Variants in STARD7 observed in about 807,000 individuals in gnomAD.
STARD7 encodes the protein stAR-related lipid transfer protein 7, mitochondrial.
STARD7 carries 30 observed loss-of-function variants against 45.3 expected under a neutral mutation model. The ratio of observed to expected loss-of-function variants is 0.66; its 90% CI spans 0.50 to 0.90. STARD7 has a LOEUF of 0.90. STARD7 is among the 40% of genes least tolerant of loss of function. STARD7 has a pLI of 0.00. For synonymous variants in STARD7, 199 were observed against 183.0 expected, an observed-to-expected ratio of 1.09 and a Z score of -0.70; for missense variants, 495 against 491.3, an observed-to-expected ratio of 1.01 and a Z score of -0.07.
chr2:96,197,248 T>TA (rs1325358410), intron 1 of STARD7, among the ~76,000 whole-genome samples: 3 of 149,006 alleles, frequency 2.0e-5, no homozygotes, highest in African/African-American at 7.4e-5. Flanking sequence ...CTACTAAAAA[T>TA]ACAAAAATTA....
chr2:96,206,999 T>A (rs1683402675), intron 1 of STARD7, among the ~76,000 whole-genome samples: 1 of 152,202 alleles, frequency 6.6e-6, no homozygotes, highest in African/African-American at 2.4e-5. Context: ...CCTATCACGC[T>A]TTGATAGCTT....
At chr2:96,188,946 G>A (rs923483658) in intron 6 of STARD7, among the ~76,000 whole-genome samples, 15 of 151,498 alleles carry the variant, frequency 9.9e-5, no homozygotes, top group Non-Finnish European at 1.8e-4. Flanking sequence ...AACACTTTGG[G>A]TGTTTTTTTT....
At chr2:96,198,045 G>A (rs1304644669) in intron 1 of STARD7, among the ~76,000 whole-genome samples, 5 of 151,868 alleles carry the variant, frequency 3.3e-5, no homozygotes, top group East Asian at 1.9e-4. Flanking sequence ...ACTGCTGGCC[G>A]GACGTAGTGA....
At position 96,185,954 on chromosome 2, in the gene STARD7, T is replaced by C. The variant is rs538151151; in HGVS notation, c.*776A>G. ...TTAGTCTCCCAGTGTTCTTGGTAAA[T>C]GGGGAAGGTTAGGAAGGAGGCAATG... On this transcript the variant is annotated 3_prime_UTR_variant, in exon 8 of 8. Transcript: ENST00000337288. 1 of 152,170 alleles carries C rather than the reference T, an allele frequency of 6.6e-6. No individual in the cohort carries two copies. The highest frequency in any genetic ancestry group is 2.1e-4 in the South Asian group (1 of 4,826). 9.4% of individuals were successfully genotyped at this position (152,170 alleles called of 1,614,324 possible).
chr2:96,198,838 A>G (rs765420097), intron 1 of STARD7, among the ~76,000 whole-genome samples: 3 of 152,116 alleles, frequency 2.0e-5, no homozygotes, highest in Non-Finnish European at 4.4e-5. Context: ...TCTTTACCCC[A>G]TTTCAAGTTA....
rs1683070213 is a variant in STARD7 at position 96,188,311 on chromosome 2, T to C, written c.844-1010A>G. On this transcript the variant is annotated intron_variant, in intron 6 of 7. Transcript: ENST00000337288. ...TTTTTTTGAGACAGAGTTTCGTTCTTGTTGCCCAGGATGGAGGGCAATGGC... is the reference window on the plus strand; with the variant it reads ...TTTTTTTGAGACAGAGTTTCGTTCTCGTTGCCCAGGATGGAGGGCAATGGC... Among the ~76,000 whole-genome samples the C allele has an allele frequency of 1.4e-5, 2 of 147,274 alleles. 1 individual carries two copies. The highest frequency in any genetic ancestry group is 4.5e-4 in the South Asian group (2 of 4,476).
At position 96,208,245 on chromosome 2, in the gene STARD7, G is replaced by T; in HGVS notation, c.190C>A (p.Arg64=). Residue 64 remains arginine (R), a synonymous_variant, in exon 1 of 8, where the codon CGG becomes AGG. Transcript: ENST00000337288. ...GCATGGCCAGGACGGCCGTGCAGCC[G>T]GCGCCAGAGGCGGCCGAGGAGAACG... ...RRVLLGRLWR[R]LHGRPGHASA... 1 of 1,612,158 alleles carries T rather than the reference G, an allele frequency of 6.2e-7. No individual in the cohort carries two copies. Among genetic ancestry groups the T allele is most frequent in the Non-Finnish European group, 8.5e-7 (1 of 1,179,556 alleles).
chr2:96,201,855 G>A (rs1412199633), intron 1 of STARD7, among the ~76,000 whole-genome samples: 3 of 152,148 alleles, frequency 2.0e-5, no homozygotes, highest in African/African-American at 7.2e-5. Context: ...AAGGTATAGT[G>A]TCAATCCAAG....
intron 7 of STARD7, 106 bp downstream of exon 7, chr2:96,187,111 A>C (rs1279677233): frequency 9.7e-7 from 1 of 1,035,866 alleles, no homozygotes; most frequent in African/African-American, 1.6e-5. Flanking sequence ...TCAGAAAAAA[A>C]AAAAAAAGAA....
chr2:96,208,450 G>A lies in STARD7; in HGVS notation c.-16C>T. The A allele has an allele frequency of 2.2e-6, 3 of 1,359,144 alleles. No individual in the cohort carries two copies. The highest frequency in any genetic ancestry group is 2.8e-6 in the Non-Finnish European group (3 of 1,065,954). 84.2% of individuals were successfully genotyped at this position (1,359,144 alleles called of 1,614,324 possible). The stretch of plus-strand genomic sequence containing the variant: ...GCGGGAGCATGCCGCCTCCCGCAGG[G>A]CCCGCCGCGAGCTTCCGGGGCCCAA... On this transcript the variant is annotated 5_prime_UTR_variant, in exon 1 of 8. Transcript: ENST00000337288.
chr2:96,208,725 C>T lies in STARD7; in HGVS notation c.-291G>A, dbSNP rs1016280478. 2.4e-6 allele frequency: 1 copy of T among 409,048 alleles called. No individual in the cohort carries two copies. Among genetic ancestry groups the T allele is most frequent in the Non-Finnish European group, 4.3e-6 (1 of 231,242 alleles). 25.3% of individuals were successfully genotyped at this position (409,048 alleles called of 1,614,324 possible). ...CAGCCCTGTGGCTCCTCGGCGACCT[C>T]CAGCGGGCGCCCGGGGCCGGGATGC... is the stretch of plus-strand genomic sequence containing the variant. On this transcript the variant is annotated 5_prime_UTR_variant, in exon 1 of 8. Transcript: ENST00000337288.
intron 2 of STARD7, 23 bp downstream of exon 2, chr2:96,195,318 A>C: frequency 6.5e-7 from 1 of 1,548,754 alleles, no homozygotes; most frequent in African/African-American, 1.4e-5. Context: ...ATGGAACCCA[A>C]AAGATAGCCA....
At chr2:96,193,692 A>G (rs931221289) in intron 3 of STARD7, among the ~76,000 whole-genome samples, 1 of 152,262 alleles carries the variant, frequency 6.6e-6, no homozygotes, top group African/African-American at 2.4e-5. Context: ...AGTTTTAAAC[A>G]ACAAAAAGTC....
chr2:96,187,206 C>G lies in STARD7; in HGVS notation c.928+11G>C. ...CCAGGTTCCAGGCCCTGTATACTTG[C>G]CCTTACTTACCACTGGAAACCATCC... On this transcript the variant is annotated intron_variant, in intron 7 of 7. Transcript: ENST00000337288. 1.2e-6 allele frequency: 2 copies of G among 1,603,772 alleles called. No individual in the cohort carries two copies. The highest frequency in any genetic ancestry group is 2.2e-5 in the South Asian group (2 of 90,834).
Position 96,192,384 on chromosome 2 carries a change from G to C in STARD7, c.828C>G (p.His276Gln), listed in dbSNP as rs892448829. Residue 276 changes from histidine (H) to glutamine (Q), a missense_variant, in exon 6 of 8, where the codon CAC becomes CAG. His to Gln is a conservative substitution (Grantham distance 24). Transcript: ENST00000337288. ...SYESQMVIRP[H>Q]KSFDENGFDY... ...TAAAACTCACCTCATCAAATGACTTGTGGGGACGGATAACCATTTGGGATT... is the reference window on the plus strand; with the variant it reads ...TAAAACTCACCTCATCAAATGACTTCTGGGGACGGATAACCATTTGGGATT... 1 of 1,613,330 alleles carries C rather than the reference G, an allele frequency of 6.2e-7. No individual in the cohort carries two copies.
chr2:96,208,234 G>A lies in STARD7; in HGVS notation c.201C>T (p.Gly67=), dbSNP rs753687857. 1 of 1,612,322 alleles carries A rather than the reference G, an allele frequency of 6.2e-7. No individual in the cohort carries two copies. The highest frequency in any genetic ancestry group is 1.3e-5 in the African/African-American group (1 of 75,016). The part of the protein sequence containing the change: ...LLGRLWRRLH[G]RPGHASALMA... ...TCAAGGCAGAGGCATGGCCAGGACG[G>A]CCGTGCAGCCGGCGCCAGAGGCGGC... Residue 67 remains glycine (G), a synonymous_variant, in exon 1 of 8, where the codon GGC becomes GGT. Transcript: ENST00000337288.
intron 6 of STARD7, among the ~76,000 whole-genome samples, chr2:96,190,360 G>A (rs1444244549): frequency 7.3e-5 from 10 of 137,704 alleles, no homozygotes; most frequent in African/African-American, 2.2e-4. Flanking sequence ...TTTTTGAGAC[G>A]AGTCTCACTG....
chr2:96,195,034 T>C (rs1683181134), intron 2 of STARD7, 27 bp from the exon 3 acceptor site: 1 of 1,589,324 alleles, frequency 6.3e-7, no homozygotes. Flanking sequence ...GAATAAGGGA[T>C]GCTGGCCATA....
At chr2:96,196,989 A>G (rs1683220952) in intron 1 of STARD7, among the ~76,000 whole-genome samples, 1 of 149,778 alleles carries the variant, frequency 6.7e-6, no homozygotes. Context: ...TCGCTTGAAC[A>G]CGGGAGGCGG....
Sources: allele counts gnomAD v4.1 joint callset (sites outside exome capture counted in the v4.1 genomes callset), GRCh38; gene constraint gnomAD v4.1.1; transcripts MANE v1.5; gene names NCBI Gene and HGNC (gene_info 2026-07-23, HGNC 2026-07-21).